FAT3: variants seen among roughly 807,000 people sequenced by gnomAD.
FAT3 encodes the protein FAT atypical cadherin 3.
Under a neutral mutation model 310.2 loss-of-function variants are expected in FAT3, and 95 were observed. The ratio of observed to expected loss-of-function variants is 0.31; its 90% CI spans 0.26 to 0.36. FAT3 has a LOEUF of 0.36. Among genes scored for constraint, FAT3 ranks in the 10% least tolerant of loss-of-function variants. The probability of loss-of-function intolerance (pLI) is 1.00; values close to 1 mark genes in which losing one functional copy is unlikely to be tolerated. For synonymous variants in FAT3, 2,314 were observed against 2,192.9 expected (o/e 1.06, Z -1.54); for missense variants, 5,408 against 5,715.6 (o/e 0.95, Z 1.74).
At chr11:92,362,388 T>A (rs1441905943) in intron 2 of FAT3, among the ~76,000 whole-genome samples, 1 of 152,264 alleles carries the variant, frequency 6.6e-6, no homozygotes, top group African/African-American at 2.4e-5. Flanking sequence ...TTTGCCTCTC[T>A]GATCCATTCT....
chr11:92,484,012 C>G (rs1952305945), intron 2 of FAT3, among the ~76,000 whole-genome samples: 1 of 152,156 alleles, frequency 6.6e-6, no homozygotes, highest in Non-Finnish European at 1.5e-5. Flanking sequence ...ATGTCACAAT[C>G]AGTGTTAATG....
intron 3 of FAT3, among the ~76,000 whole-genome samples, chr11:92,642,217 C>G (rs979557318): frequency 1.3e-5 from 2 of 152,222 alleles, no homozygotes; most frequent in African/African-American, 4.8e-5. Flanking sequence ...GGCTTTAAGC[C>G]TCATCCTCTT....
intron 3 of FAT3, among the ~76,000 whole-genome samples, chr11:92,627,749 A>G (rs1792341): frequency 0.57 from 87,119 of 152,042 alleles, 26,723 homozygotes; most frequent in African/African-American, 0.8. Context: ...TGAAAGGCCC[A>G]CTTCCTCTAA....
chr11:92,269,262 C>T (rs1410701084), intron 1 of FAT3, among the ~76,000 whole-genome samples: 1 of 152,064 alleles, frequency 6.6e-6, no homozygotes, highest in Non-Finnish European at 1.5e-5. Flanking sequence ...TCTTAATGAG[C>T]TAGAAACATT....
intron 2 of FAT3, among the ~76,000 whole-genome samples, chr11:92,458,867 A>G (rs1177983764): frequency 6.6e-6 from 1 of 152,192 alleles, no homozygotes; most frequent in African/African-American, 2.4e-5. Flanking sequence ...GTTTTAATCC[A>G]TTAACTTTAT....
intron 1 of FAT3, among the ~76,000 whole-genome samples, chr11:92,229,055 C>G (rs1864037740): frequency 6.6e-6 from 1 of 152,214 alleles, no homozygotes; most frequent in African/African-American, 2.4e-5. Flanking sequence ...AGAAAGGGAT[C>G]TGACAGACTT....
chr11:92,294,119 T>C (rs1946783659), intron 1 of FAT3, among the ~76,000 whole-genome samples: 1 of 152,054 alleles, frequency 6.6e-6, no homozygotes, highest in Admixed American at 6.6e-5. Flanking sequence ...CCTATTTGGT[T>C]TCTGATGAGG....
At chr11:92,255,317 ATTTT>A (rs1314478764) in intron 1 of FAT3, among the ~76,000 whole-genome samples, 1 of 149,782 alleles carries the variant, frequency 6.7e-6, no homozygotes, top group African/African-American at 2.4e-5. Flanking sequence ...TAATTAGATA[ATTTT>A]TTATTTTAGG....
At chr11:92,514,709 G>C (rs1162102173) in intron 2 of FAT3, among the ~76,000 whole-genome samples, 1 of 152,136 alleles carries the variant, frequency 6.6e-6, no homozygotes, top group Non-Finnish European at 1.5e-5. Flanking sequence ...AACCTATATG[G>C]CACACGAGGA....
Position 92,857,217 on chromosome 11 carries a change from G to A in FAT3, c.11369G>A (p.Gly3790Glu). ...YRNVRCTCNG[G>E]LCPGSNDPCV... ...GCATATTCCACCTTTGTCACAGGAG[G>A]ACTGTGTCCGGGGTCCAACGATCCT... Residue 3790 changes from glycine to glutamate, a missense_variant, in exon 20 of 28, where the codon GGA (glycine) becomes GAA (glutamate). This residue lies in a region of FAT3 where 4,588 missense variants were observed against 4,809.8 expected (regional missense o/e 0.95). Coordinates refer to ENST00000525166, the MANE Select transcript of FAT3 (RefSeq NM_001367949.2). 1.2e-6 allele frequency: 2 copies of A among 1,613,940 alleles called. No individual in the cohort carries two copies. The highest frequency in any genetic ancestry group is 1.7e-6 in the Non-Finnish European group (2 of 1,179,872).
At chr11:92,704,410 G>T (rs1944202568) in intron 4 of FAT3, among the ~76,000 whole-genome samples, 1 of 152,162 alleles carries the variant, frequency 6.6e-6, no homozygotes, top group South Asian at 2.1e-4. Flanking sequence ...CACGTATTAT[G>T]GGCTGAATTG....
At chr11:92,345,269 T>A (rs1328530512) in intron 1 of FAT3, among the ~76,000 whole-genome samples, 1 of 152,180 alleles carries the variant, frequency 6.6e-6, no homozygotes, top group East Asian at 1.9e-4. Context: ...ATTTCAAGGC[T>A]GTTTGTTAGA....
At chr11:92,636,674 A>T (rs545200724) in intron 3 of FAT3, among the ~76,000 whole-genome samples, 1 of 152,336 alleles carries the variant, frequency 6.6e-6, no homozygotes, top group Non-Finnish European at 1.5e-5. Flanking sequence ...TGAGTAGCAC[A>T]GTTTGGAATT....
At chr11:92,450,704 C>T (rs1364939724) in intron 2 of FAT3, among the ~76,000 whole-genome samples, 3 of 152,172 alleles carry the variant, frequency 2.0e-5, no homozygotes, top group African/African-American at 4.8e-5. Context: ...AGTCTGTTTA[C>T]ATCTTGGGTG....
chr11:92,380,071 T>TTG (rs1352263091), intron 2 of FAT3, among the ~76,000 whole-genome samples: 2 of 85,220 alleles, frequency 2.3e-5, no homozygotes, highest in Admixed American at 1.6e-4. Context: ...GCAAACTGAT[T>TTG]CGTGTGTGTG....
At chr11:92,704,427 A>G (rs7128049) in intron 4 of FAT3, among the ~76,000 whole-genome samples, 4,185 of 152,046 alleles carry the variant, frequency 0.028, 214 homozygotes, top group African/African-American at 0.095. Context: ...ATTGTGCACC[A>G]CCTCCCACCA....
intron 2 of FAT3, among the ~76,000 whole-genome samples, chr11:92,451,683 GT>G (rs1172890691): frequency 6.6e-6 from 1 of 152,050 alleles, no homozygotes; most frequent in Non-Finnish European, 1.5e-5. Context: ...TTTATTTTTG[GT>G]AGCTCCTATC....
At position 92,229,510 on chromosome 11, in the gene FAT3, T is replaced by G. The variant is rs1180225452; in HGVS notation, c.-18+4336T>G. Among the ~76,000 whole-genome samples the G allele has an allele frequency of 2.6e-5, 2 of 77,142 alleles. 1 individual carries two copies. The highest frequency in any genetic ancestry group is 5.6e-5 in the Non-Finnish European group (2 of 35,542). 50.6% of individuals were successfully genotyped at this position (77,142 alleles called of 152,430 possible). On this transcript the variant is annotated intron_variant, in intron 1 of 27. Transcript: ENST00000525166. Reference sequence around the variant, plus strand: ...TTTTCGTGTTTTTTTTTTTTTTGTTTTTTGTTTTTTTTTACATTGCCTCCC... The same window carrying G: ...TTTTCGTGTTTTTTTTTTTTTTGTTGTTTGTTTTTTTTTACATTGCCTCCC...
chr11:92,515,001 G>T (rs890012885), intron 2 of FAT3, among the ~76,000 whole-genome samples: 4 of 152,102 alleles, frequency 2.6e-5, no homozygotes, highest in African/African-American at 9.7e-5. Context: ...TTGTGGAAGG[G>T]ATGCTTTCAT....
Sources: allele counts gnomAD v4.1 joint callset (sites outside exome capture counted in the v4.1 genomes callset), GRCh38; gene constraint gnomAD v4.1.1; regional missense constraint gnomAD v4.1.1; transcripts MANE v1.5; gene names NCBI Gene and HGNC (gene_info 2026-07-23, HGNC 2026-07-21).